The following RAP1GAP2 variants were observed in gnomAD, a reference collection of about 807,000 sequenced individuals.
RAP1GAP2 encodes RAP1 GTPase activating protein 2.
In RAP1GAP2, 27 loss-of-function variants were observed where a neutral mutation model predicts 95.0. That is an observed-to-expected ratio of 0.28 (90% CI 0.21 to 0.39). The LOEUF is 0.39. RAP1GAP2 is among the 10% of genes least tolerant of loss of function. The pLI is 1.00. For missense variants in RAP1GAP2, 771 were observed against 970.0 expected (o/e 0.79, Z 2.72); for synonymous variants, 373 against 380.9 (o/e 0.98, Z 0.24).
chr17:2,985,957 C>T (rs188064282), intron 11 of RAP1GAP2, among the ~76,000 whole-genome samples: 29 of 152,110 alleles, frequency 1.9e-4, no homozygotes, highest in South Asian at 4.2e-4. Context: ...GTTTCCTCAC[C>T]GAGACTCTTT....
chr17:2,986,506 T>G (rs2045563293), intron 11 of RAP1GAP2, among the ~76,000 whole-genome samples: 1 of 152,026 alleles, frequency 6.6e-6, no homozygotes, highest in East Asian at 1.9e-4. Context: ...TTTATGTACC[T>G]GATGCTGCTG....
At position 2,780,694 on chromosome 17, in the gene RAP1GAP2, G is replaced by A. The variant is rs142514205; in HGVS notation, c.-14+3416G>A. ...GGCAGGGTCACACCCAGCCTATGCT[G>A]GGAGACCCAGCAGCCGCCGTCTTCA... On this transcript the variant is annotated intron_variant, in intron 1 of 24. Coordinates refer to the RAP1GAP2 transcript ENST00000540393. Among the ~76,000 whole-genome samples, 438 of 152,370 alleles carry A rather than the reference G, an allele frequency of 2.9e-3. 2 individuals are homozygous for A. The highest frequency in any genetic ancestry group is 9.8e-3 in the African/African-American group (409 of 41,592).
At chr17:2,779,561 C>A (rs894284242) in intron 1 of RAP1GAP2, among the ~76,000 whole-genome samples, 1 of 152,130 alleles carries the variant, frequency 6.6e-6, no homozygotes, top group Non-Finnish European at 1.5e-5. Context: ...TTGGAGTCAG[C>A]GATGTCCTGC....
chr17:2,834,205 G>T (rs1436874278), intron 2 of RAP1GAP2, among the ~76,000 whole-genome samples: 1 of 152,168 alleles, frequency 6.6e-6, no homozygotes. Flanking sequence ...ATCTTAAGAG[G>T]CTGGCTTTAG....
At chr17:2,836,907 C>T (rs140413460) in intron 2 of RAP1GAP2, among the ~76,000 whole-genome samples, 2,122 of 152,180 alleles carry the variant, frequency 0.014, 151 homozygotes, top group Admixed American at 0.12. Context: ...TTTGGACTGA[C>T]GAGGTGTGTG....
At chr17:2,769,875 C>G (rs1041464564) in intron 1 of RAP1GAP2, among the ~76,000 whole-genome samples, 5 of 151,978 alleles carry the variant, frequency 3.3e-5, no homozygotes, top group Non-Finnish European at 7.4e-5. Context: ...GAATTTGAGA[C>G]CAGCCTGGCC....
chr17:2,984,146 C>T (rs1484589862), intron 10 of RAP1GAP2, among the ~76,000 whole-genome samples: 2 of 151,972 alleles, frequency 1.3e-5, no homozygotes, highest in African/African-American at 2.4e-5. Flanking sequence ...GTCAGGAGTT[C>T]GAGACCAGCC....
chr17:2,879,665 G>A (rs529044830), intron 2 of RAP1GAP2, among the ~76,000 whole-genome samples: 1 of 151,538 alleles, frequency 6.6e-6, no homozygotes, highest in Non-Finnish European at 1.5e-5. Flanking sequence ...GGCAGAGGTT[G>A]CAGTGAGCTG....
In RAP1GAP2 at chr17:2,962,806, T is replaced by TCACACCTGTCTAAC. The variant is rs60097980; in HGVS notation, c.246+92_246+93insCACACCTGTCTAAC. The TCACACCTGTCTAAC allele has an allele frequency of 4.8e-3, 6,029 of 1,247,464 alleles. 232 individuals are homozygous for TCACACCTGTCTAAC. The African/African-American group carries it at 0.081, about 17-fold the overall frequency. The allele number at this position is 1,247,464 out of a possible 1,614,324, so 77.3% of individuals were successfully genotyped here. On this transcript the variant is annotated intron_variant, in intron 5 of 24. Coordinates refer to ENST00000254695, the MANE Select transcript of RAP1GAP2 (RefSeq NM_015085.5). Reference sequence around the variant, plus strand: ...GAGGGGCTGCCGGGATGCTGGGGTCTTCTGTCTCACACCTGTCTAACTCTG... The same window carrying TCACACCTGTCTAAC: ...GAGGGGCTGCCGGGATGCTGGGGTCTCACACCTGTCTAACTCTGTCTCACACCTGTCTAACTCTG...
chr17:3,007,533 C>T (rs1452237649), intron 16 of RAP1GAP2, among the ~76,000 whole-genome samples: 1 of 152,138 alleles, frequency 6.6e-6, no homozygotes, highest in Non-Finnish European at 1.5e-5. Flanking sequence ...GGGCCTTTGG[C>T]CTGGGCTCTT....
At chr17:2,770,473 A>G (rs1211815550) in intron 2 of RAP1GAP2, 3 of 398,552 alleles carry the variant, frequency 7.5e-6, no homozygotes, top group Non-Finnish European at 1.3e-5. Flanking sequence ...CTTGACCCTC[A>G]CATTCTTTGG....
chr17:2,772,658 A>T (rs913047890), upstream of RAP1GAP2, among the ~76,000 whole-genome samples: 4 of 151,876 alleles, frequency 2.6e-5, no homozygotes, highest in African/African-American at 9.7e-5. Flanking sequence ...AAATTGATTT[A>T]ATCTTCATAG....
At chr17:2,930,748 C>G (rs1287552348) in intron 3 of RAP1GAP2, among the ~76,000 whole-genome samples, 2 of 152,188 alleles carry the variant, frequency 1.3e-5, no homozygotes, top group Non-Finnish European at 2.9e-5. Flanking sequence ...GGGGGGACCA[C>G]AGGACAGGCA....
At chr17:2,888,013 C>G (rs989000239) in intron 2 of RAP1GAP2, among the ~76,000 whole-genome samples, 7 of 152,068 alleles carry the variant, frequency 4.6e-5, no homozygotes, top group Non-Finnish European at 7.4e-5. Context: ...ACAAGAAGCC[C>G]GAGGCCAGGA....
At chr17:3,028,382 A>G (rs2047192950) in intron 22 of RAP1GAP2, among the ~76,000 whole-genome samples, 2 of 152,148 alleles carry the variant, frequency 1.3e-5, no homozygotes, top group African/African-American at 4.8e-5. Flanking sequence ...TCTAGTGGGC[A>G]GAGGTCACGG....
At chr17:2,787,095 C>T (rs1427612493) in intron 1 of RAP1GAP2, among the ~76,000 whole-genome samples, 2 of 151,598 alleles carry the variant, frequency 1.3e-5, no homozygotes, top group Admixed American at 6.6e-5. Context: ...GGGTTATAGG[C>T]GCATGCCACC....
chr17:2,942,962 T>C (rs571007664), intron 3 of RAP1GAP2, among the ~76,000 whole-genome samples: 1 of 152,030 alleles, frequency 6.6e-6, no homozygotes, highest in Non-Finnish European at 1.5e-5. Flanking sequence ...AGAGATGGGG[T>C]TTCACCATGT....
chr17:2,860,065 G>C (rs1041084958), intron 2 of RAP1GAP2, among the ~76,000 whole-genome samples: 1 of 151,902 alleles, frequency 6.6e-6, no homozygotes, highest in African/African-American at 2.4e-5. Context: ...TCCTGCCATT[G>C]CAGGCAGCCC....
chr17:2,764,154 G>C (rs1170697732), intron 1 of RAP1GAP2, among the ~76,000 whole-genome samples: 1 of 152,120 alleles, frequency 6.6e-6, no homozygotes, highest in Non-Finnish European at 1.5e-5. Context: ...AAAATAGGCT[G>C]TGCGCAGTGG....
Sources: gnomAD v4.1 joint callset for allele counts (sites outside exome capture counted in the v4.1 genomes callset) on GRCh38, gnomAD v4.1.1 for gene constraint, MANE v1.5 for transcripts, NCBI Gene and HGNC (gene_info 2026-07-23, HGNC 2026-07-21) for gene names.